The following ZNRF3 variants were observed in gnomAD, a reference collection of about 807,000 sequenced individuals.
ZNRF3 encodes the protein E3 ubiquitin-protein ligase ZNRF3.
In ZNRF3, 23 loss-of-function variants were observed where a neutral mutation model predicts 72.5. The observed-to-expected ratio is 0.32, with a 90% CI of 0.23 to 0.45. The LOEUF (loss-of-function observed/expected upper bound fraction) is 0.45, where lower values mean the gene tolerates loss of function less well. ZNRF3 is among the 20% of genes least tolerant of loss of function. The pLI, the probability that ZNRF3 is intolerant of heterozygous loss-of-function variation, is 1.00. For missense variants in ZNRF3, 1,169 were observed against 1,272.1 expected, an observed-to-expected ratio of 0.92 and a Z score of 1.23; for synonymous variants, 610 against 545.3, an observed-to-expected ratio of 1.12 and a Z score of -1.65.
intron 1 of ZNRF3, among the ~76,000 whole-genome samples, chr22:28,917,214 G>A (rs1436397182): frequency 1.3e-5 from 2 of 151,908 alleles, no homozygotes; most frequent in Non-Finnish European, 2.9e-5. Flanking sequence ...CTGCCAGGAT[G>A]TCTTGGGGTT....
chr22:28,950,396 G>T (rs2035138740), intron 1 of ZNRF3, among the ~76,000 whole-genome samples: 2 of 152,204 alleles, frequency 1.3e-5, no homozygotes, highest in Non-Finnish European at 2.9e-5. Flanking sequence ...GCATAAACTT[G>T]CATGGTGATA....
chr22:29,024,438 G>A (rs377078115), intron 2 of ZNRF3, among the ~76,000 whole-genome samples: 30 of 152,086 alleles, frequency 2.0e-4, no homozygotes, highest in East Asian at 5.8e-4. Flanking sequence ...AGGGTTCCCA[G>A]GCAGCGTGCG....
At chr22:28,932,650 G>A (rs762024073) in intron 1 of ZNRF3, among the ~76,000 whole-genome samples, 1 of 152,116 alleles carries the variant, frequency 6.6e-6, no homozygotes, top group African/African-American at 2.4e-5. Flanking sequence ...CAGAAAAGTG[G>A]GCTTCTGCAA....
chr22:28,981,679 C>T (rs779825733), intron 1 of ZNRF3, among the ~76,000 whole-genome samples: 2 of 152,154 alleles, frequency 1.3e-5, no homozygotes, highest in Non-Finnish European at 2.9e-5. Flanking sequence ...CTGTATAAGA[C>T]TGTGCATATA....
In ZNRF3 at chr22:29,011,737, G is replaced by A. The variant is rs117073281; in HGVS notation, c.426+24536G>A. Among the ~76,000 whole-genome samples the A allele has an allele frequency of 2.4e-3, 358 of 152,280 alleles. 5 individuals carry two copies. In the East Asian group the frequency reaches 0.044, roughly 19 times the overall value. The stretch of plus-strand genomic sequence containing the variant: ...CCGAGGAACCAACCTGCTGGGAGAC[G>A]TTTTCCAAGTAACTCCAAGCAACAG... On this transcript the variant is annotated intron_variant, in intron 2 of 8. Coordinates refer to ENST00000544604, the MANE Select transcript of ZNRF3 (RefSeq NM_001206998.2).
intron 1 of ZNRF3, among the ~76,000 whole-genome samples, chr22:28,946,422 G>A (rs1476796468): frequency 2.0e-5 from 3 of 152,120 alleles, no homozygotes; most frequent in Admixed American, 6.6e-5. Context: ...AAGTTATATC[G>A]CTTAGCAGGA....
chr22:29,023,424 T>C (rs1394353731), intron 2 of ZNRF3, among the ~76,000 whole-genome samples: 1 of 152,188 alleles, frequency 6.6e-6, no homozygotes, highest in Non-Finnish European at 1.5e-5. Flanking sequence ...TTGATTCAGA[T>C]AGACCATAGT....
intron 2 of ZNRF3, among the ~76,000 whole-genome samples, chr22:29,013,065 A>T (rs1569281074): frequency 6.6e-6 from 1 of 151,676 alleles, no homozygotes; most frequent in East Asian, 1.9e-4. Context: ...GTCTGCTCCT[A>T]CCCCCTCTTT....
chr22:28,965,620 C>G (rs1387590051), intron 1 of ZNRF3, among the ~76,000 whole-genome samples: 1 of 152,168 alleles, frequency 6.6e-6, no homozygotes, highest in Non-Finnish European at 1.5e-5. Flanking sequence ...TCTCCTATAT[C>G]TTAGTATCAG....
At chr22:28,975,507 C>CAAAAA (rs71316877) in intron 1 of ZNRF3, among the ~76,000 whole-genome samples, 22 of 47,882 alleles carry the variant, frequency 4.6e-4, no homozygotes, top group African/African-American at 1.5e-3. Flanking sequence ...TACTCTGTCT[C>CAAAAA]AAAAAAAAAA....
chr22:29,044,987 C>A, intron 5 of ZNRF3, 97 bp downstream of exon 5: 1 of 832,164 alleles, frequency 1.2e-6, no homozygotes, highest in Non-Finnish European at 2.0e-6. Flanking sequence ...GATGGTGCAA[C>A]ATGGAGCCTC....
chr22:29,001,659 G>A (rs971304779), intron 2 of ZNRF3, among the ~76,000 whole-genome samples: 1 of 151,968 alleles, frequency 6.6e-6, no homozygotes, highest in African/African-American at 2.4e-5. Flanking sequence ...TTTCAGTAGA[G>A]GCGGGGTTTC....
intron 1 of ZNRF3, among the ~76,000 whole-genome samples, chr22:28,939,148 G>A (rs991901662): frequency 2.0e-5 from 3 of 152,184 alleles, no homozygotes; most frequent in East Asian, 3.9e-4. Context: ...AGCTGGGATA[G>A]TGGTATGTGC....
intron 1 of ZNRF3, among the ~76,000 whole-genome samples, chr22:28,894,372 A>C (rs1468255095): frequency 6.8e-6 from 1 of 147,598 alleles, no homozygotes; most frequent in African/African-American, 2.5e-5. Flanking sequence ...TAAGGATCTG[A>C]ATTATGACTA....
At chr22:28,932,771 C>T (rs2034730293) in intron 1 of ZNRF3, among the ~76,000 whole-genome samples, 1 of 152,174 alleles carries the variant, frequency 6.6e-6, no homozygotes. Flanking sequence ...AAGAAAGTCA[C>T]CAAATGTCTG....
At chr22:28,955,774 C>T (rs1397599094) in intron 1 of ZNRF3, among the ~76,000 whole-genome samples, 5 of 151,390 alleles carry the variant, frequency 3.3e-5, no homozygotes, top group African/African-American at 1.2e-4. Context: ...AAAAAAAGAG[C>T]CAGGCATGGT....
chr22:29,019,696 T>TA, intron 2 of ZNRF3, among the ~76,000 whole-genome samples: 1 of 152,168 alleles, frequency 6.6e-6, no homozygotes, highest in Non-Finnish European at 1.5e-5. Context: ...ACCTACCATG[T>TA]ACCCAAACTA....
intron 8 of ZNRF3, 50 bp downstream of exon 8, chr22:29,050,998 C>A (rs971184865): frequency 1.3e-6 from 2 of 1,487,550 alleles, no homozygotes; most frequent in South Asian, 1.3e-5. Context: ...CCATCAGGGT[C>A]GTCTTGTCTT....
chr22:28,919,233 T>G (rs1243657376), intron 1 of ZNRF3, among the ~76,000 whole-genome samples: 1 of 152,238 alleles, frequency 6.6e-6, no homozygotes, highest in Admixed American at 6.5e-5. Context: ...AATGCCTTCA[T>G]ATGGATTTCT....
Sources: allele counts gnomAD v4.1 joint callset (sites outside exome capture counted in the v4.1 genomes callset), GRCh38; gene constraint gnomAD v4.1.1; transcripts MANE v1.5; gene names NCBI Gene and HGNC (gene_info 2026-07-23, HGNC 2026-07-21).